AADAT: variants seen among roughly 807,000 people sequenced by gnomAD.
AADAT encodes the protein aminoadipate aminotransferase.
In AADAT, 25 loss-of-function variants were observed where a neutral mutation model predicts 56.2. The ratio of observed to expected loss-of-function variants is 0.44; its 90% CI spans 0.32 to 0.62. The LOEUF (loss-of-function observed/expected upper bound fraction) is 0.62, where lower values mean the gene tolerates loss of function less well. Ranked by LOEUF, AADAT falls within the 20% of genes least tolerant of loss-of-function variation. AADAT has a pLI of 0.04. For synonymous variants in AADAT, 173 were observed against 164.7 expected (o/e 1.05, Z -0.39); for missense variants, 387 against 510.5 (o/e 0.76, Z 2.33).
intron 8 of AADAT, among the ~76,000 whole-genome samples, chr4:170,068,090 G>A (rs542605892): frequency 6.7e-6 from 1 of 149,744 alleles, no homozygotes; most frequent in Admixed American, 6.7e-5. Flanking sequence ...AGTGAGCCAA[G>A]GTCATGCCAC....
Position 170,079,059 on chromosome 4 carries a change from GCTA to G in AADAT, c.370-479_370-477del, listed in dbSNP as rs147532326. Among the ~76,000 whole-genome samples, 680 of 152,300 alleles carry G rather than the reference GCTA, an allele frequency of 4.5e-3. 3 individuals carry two copies. The highest frequency in any genetic ancestry group is 0.016 in the African/African-American group (657 of 41,554). ...ATGACATGGTTCTTACTCTCATGGA[GCTA>G]CTGGTCCACTGGGAAAGCTAGACAC... On this transcript the variant is annotated intron_variant, in intron 3 of 12. Coordinates refer to ENST00000337664, the MANE Select transcript of AADAT (RefSeq NM_016228.4).
intron 3 of AADAT, among the ~76,000 whole-genome samples, chr4:170,086,194 C>G (rs184828852): frequency 1.3e-5 from 2 of 150,900 alleles, no homozygotes; most frequent in East Asian, 3.9e-4. Flanking sequence ...TGCAGGGAGC[C>G]GTGATTGCGC....
At chr4:170,092,127 A>G (rs766374976), upstream of AADAT, among the ~76,000 whole-genome samples, 34 of 152,236 alleles carry the variant, frequency 2.2e-4, no homozygotes, top group Non-Finnish European at 4.0e-4. Context: ...GGATGGGGCC[A>G]GATAAGAGAA....
At chr4:170,070,422 T>C (rs535228136) in intron 6 of AADAT, 165 bp downstream of exon 6, 6 of 538,918 alleles carry the variant, frequency 1.1e-5, no homozygotes, top group South Asian at 4.8e-5. Flanking sequence ...ATAATAAAAC[T>C]GGAAGACTGA....
At chr4:170,086,720 G>T (rs1581598158) in intron 3 of AADAT, among the ~76,000 whole-genome samples, 1 of 152,294 alleles carries the variant, frequency 6.6e-6, no homozygotes, top group East Asian at 1.9e-4. Flanking sequence ...TGCTTTAATG[G>T]TTAATAGGTC....
At chr4:170,064,597 G>A in intron 11 of AADAT, 122 bp downstream of exon 11, 1 of 728,062 alleles carries the variant, frequency 1.4e-6, no homozygotes, top group South Asian at 1.9e-5. Flanking sequence ...TCTAATATTA[G>A]AACATTATGA....
At chr4:170,090,226 G>C (rs750322760), upstream of AADAT, 3 of 152,216 alleles carry the variant, frequency 2.0e-5, no homozygotes, top group South Asian at 2.1e-4. Flanking sequence ...GGGGCTGACC[G>C]AGGGGACCGG....
upstream of AADAT, among the ~76,000 whole-genome samples, chr4:170,094,171 A>G (rs1159813099): frequency 2.0e-5 from 3 of 152,192 alleles, no homozygotes; most frequent in Admixed American, 2.0e-4. Flanking sequence ...AGGGCAGGCT[A>G]ATGGAATGCA....
At position 170,073,229 on chromosome 4, in the gene AADAT, C is replaced by G. The variant is rs1375181883; in HGVS notation, c.561G>C (p.Gln187His). 2 of 1,614,010 alleles carry G rather than the reference C, an allele frequency of 1.2e-6. No homozygotes were observed. The highest frequency in any genetic ancestry group is 2.2e-5 in the South Asian group (2 of 91,068). The change falls in exon 5 of 13, where the codon CAG becomes CAC. Residue 187 changes from glutamine (Q) to histidine (H), a missense_variant. Gln to His is a conservative substitution (Grantham distance 24). Coordinates refer to ENST00000337664, the MANE Select transcript of AADAT (RefSeq NM_016228.4). Reference protein sequence around the residue: ...RWKPEDAKNPQKNTPKFLYTV... With the variant: ...RWKPEDAKNPHKNTPKFLYTV... The stretch of plus-strand genomic sequence containing the variant: ...TATAAAGAAATTTGGGGGTGTTTTT[C>G]TGGGGATTCTTTGCATCTTCTGGTT...
At position 170,088,404 on chromosome 4, in the gene AADAT, C is replaced by A; in HGVS notation, c.228G>T (p.Pro76=). 1 of 1,594,412 alleles carries A rather than the reference C, an allele frequency of 6.3e-7. No individual in the cohort carries two copies. Among genetic ancestry groups the A allele is most frequent in the Non-Finnish European group, 8.6e-7 (1 of 1,164,344 alleles). ...EMMKRALQYS[P]SAGIPELLSW... Reference sequence around the variant, plus strand: ...TAAGTATTGATACTTACCCAGCACTCGGAGAATACTGAAGTGCTCTCTTCA... The same window carrying A: ...TAAGTATTGATACTTACCCAGCACTAGGAGAATACTGAAGTGCTCTCTTCA... The change falls in exon 2 of 13, where the codon CCG becomes CCT. Residue 76 remains proline, a synonymous_variant. Transcript: ENST00000337664.
chr4:170,078,174 A>C (rs1236024072), intron 4 of AADAT, among the ~76,000 whole-genome samples: 1 of 152,216 alleles, frequency 6.6e-6, no homozygotes, highest in Non-Finnish European at 1.5e-5. Flanking sequence ...ATAAGATAGT[A>C]ATAAAAAATA....
At chr4:170,065,581 A>C (rs1427479456) in intron 10 of AADAT, among the ~76,000 whole-genome samples, 1 of 150,934 alleles carries the variant, frequency 6.6e-6, no homozygotes, top group Non-Finnish European at 1.5e-5. Flanking sequence ...GCTCACTGCC[A>C]CCTCTGCCTT....
chr4:170,090,523 G>C (rs926932683), upstream of AADAT: 1 of 152,164 alleles, frequency 6.6e-6, no homozygotes, highest in East Asian at 1.9e-4. Flanking sequence ...TTGGAGTGAC[G>C]ATGGAGTTCT....
upstream of AADAT, among the ~76,000 whole-genome samples, chr4:170,093,737 A>T (rs1454945174): frequency 6.6e-6 from 1 of 152,024 alleles, no homozygotes. Flanking sequence ...CTGGGACTAC[A>T]GGTGAACACC....
At chr4:170,069,350 T>C (rs1731649704) in intron 6 of AADAT, 120 bp from the exon 7 acceptor site, 2 of 680,086 alleles carry the variant, frequency 2.9e-6, no homozygotes, top group Non-Finnish European at 2.4e-6. Context: ...AAATATTCTC[T>C]TACCTTTATT....
At chr4:170,071,144 C>A (rs886587867) in intron 5 of AADAT, among the ~76,000 whole-genome samples, 11 of 152,202 alleles carry the variant, frequency 7.2e-5, no homozygotes, top group Non-Finnish European at 4.4e-5. Context: ...AACTCCTGAC[C>A]TCAAGTGATC....
intron 4 of AADAT, among the ~76,000 whole-genome samples, chr4:170,076,936 G>C (rs895260176): frequency 1.3e-5 from 2 of 152,144 alleles, no homozygotes; most frequent in African/African-American, 4.8e-5. Context: ...TGGAAATCCA[G>C]TTGTCCCAGC....
At chr4:170,082,523 A>G (rs183134204) in intron 3 of AADAT, among the ~76,000 whole-genome samples, 41 of 152,336 alleles carry the variant, frequency 2.7e-4, no homozygotes, top group African/African-American at 9.6e-4. Context: ...AAAAGAAGAG[A>G]GGAGTCTCAA....
chr4:170,090,190 T>TAGGCGCCGGCCC (rs1732767615), upstream of AADAT: 2 of 152,380 alleles, frequency 1.3e-5, no homozygotes, highest in South Asian at 2.1e-4. Context: ...TTGGCCGGCC[T>TAGGCGCCGGCCC]AGGCGCCGGC....
Sources: gnomAD v4.1 joint callset for allele counts (sites outside exome capture counted in the v4.1 genomes callset) on GRCh38, gnomAD v4.1.1 for gene constraint, MANE v1.5 for transcripts, NCBI Gene and HGNC (gene_info 2026-07-23, HGNC 2026-07-21) for gene names.